Variants in NR1H4 observed in about 807,000 individuals in gnomAD.
The protein encoded by NR1H4 is bile acid receptor.
A neutral mutation model predicts 58.5 loss-of-function variants in NR1H4; 23 were observed. That is an observed-to-expected ratio of 0.39 (90% CI 0.28 to 0.56). NR1H4 has a LOEUF of 0.56. Ranked by LOEUF, NR1H4 falls within the 20% of genes least tolerant of loss-of-function variation. NR1H4 has a pLI of 0.58. For missense variants in NR1H4, 487 were observed against 576.9 expected (o/e 0.84, Z 1.60); for synonymous variants, 214 against 198.0 (o/e 1.08, Z -0.68).
intron 1 of NR1H4, among the ~76,000 whole-genome samples, chr12:100,485,184 G>C (rs564693485): frequency 1.3e-5 from 2 of 152,236 alleles, no homozygotes; most frequent in South Asian, 4.2e-4. Flanking sequence ...TACAGTTAAG[G>C]CAAGGATCAC....
chr12:100,542,218 G>T (rs1424043345), intron 9 of NR1H4, among the ~76,000 whole-genome samples: 1 of 152,030 alleles, frequency 6.6e-6, no homozygotes, highest in Non-Finnish European at 1.5e-5. Context: ...ATGGTAGTAC[G>T]TGCCTGTAAT....
chr12:100,548,755 C>T (rs1170443172), intron 9 of NR1H4, among the ~76,000 whole-genome samples: 1 of 152,024 alleles, frequency 6.6e-6, no homozygotes, highest in Non-Finnish European at 1.5e-5. Context: ...ACTTCATCTT[C>T]TAGGGGAAAT....
intron 4 of NR1H4, among the ~76,000 whole-genome samples, chr12:100,512,102 G>A: frequency 6.6e-6 from 1 of 151,704 alleles, no homozygotes; most frequent in Non-Finnish European, 1.5e-5. Flanking sequence ...GTGTGGTGGA[G>A]CACGCATGTT....
chr12:100,542,116 G>C (rs141634504), intron 9 of NR1H4, among the ~76,000 whole-genome samples: 3 of 152,094 alleles, frequency 2.0e-5, no homozygotes, highest in Admixed American at 6.5e-5. Flanking sequence ...GAGGCAGAGG[G>C]GGGTGGATCA....
chr12:100,496,051 G>C (rs76285077), intron 3 of NR1H4, among the ~76,000 whole-genome samples: 1,545 of 152,230 alleles, frequency 0.01, 26 homozygotes, highest in African/African-American at 0.035. Context: ...CAGCAGTCAT[G>C]TTGTTATAAT....
At chr12:100,497,212 G>A (rs1953734969) in intron 3 of NR1H4, among the ~76,000 whole-genome samples, 1 of 152,148 alleles carries the variant, frequency 6.6e-6, no homozygotes. Context: ...CCCGTTGGTT[G>A]AGCGTCACCC....
intron 4 of NR1H4, among the ~76,000 whole-genome samples, chr12:100,527,602 TCTCTGCAGGAC>T (rs1954592029): frequency 6.6e-6 from 1 of 152,220 alleles, no homozygotes; most frequent in South Asian, 2.1e-4. Flanking sequence ...TACCATTTGC[TCTCTGCAGGAC>T]CTTGAGCAAA....
At chr12:100,562,596 A>C (rs1335923223) in intron 10 of NR1H4, among the ~76,000 whole-genome samples, 1 of 152,230 alleles carries the variant, frequency 6.6e-6, no homozygotes, top group African/African-American at 2.4e-5. Flanking sequence ...CATTGTATGA[A>C]TATACAATCA....
At chr12:100,559,782 C>T (rs1398752165) in intron 9 of NR1H4, among the ~76,000 whole-genome samples, 3 of 152,250 alleles carry the variant, frequency 2.0e-5, no homozygotes, top group African/African-American at 7.2e-5. Context: ...GGGCGCATGA[C>T]TGGCAGACAG....
chr12:100,523,173 C>T (rs1954470075), intron 4 of NR1H4, among the ~76,000 whole-genome samples: 1 of 152,170 alleles, frequency 6.6e-6, no homozygotes, highest in African/African-American at 2.4e-5. Flanking sequence ...TTCTCACCAA[C>T]AGTGAAAAGC....
chr12:100,522,472 T>G (rs1290080585), intron 4 of NR1H4, among the ~76,000 whole-genome samples: 1 of 152,130 alleles, frequency 6.6e-6, no homozygotes, highest in Non-Finnish European at 1.5e-5. Context: ...ATCATTGGGT[T>G]GTTGTGAATT....
chr12:100,537,053 T>C lies in NR1H4; in HGVS notation c.931+6T>C. On this transcript the variant is annotated splice_donor_region_variant and intron_variant, in intron 8 of 10. Transcript: ENST00000392986. ...ATTCACAAAAAAGCTACCAGGTATT[T>C]TTTAAATAATCAAAGTTAATATTTA... 1 of 1,526,672 alleles carries C rather than the reference T, an allele frequency of 6.6e-7. No individual in the cohort carries two copies. The highest frequency in any genetic ancestry group is 9.0e-7 in the Non-Finnish European group (1 of 1,106,238). 94.6% of individuals were successfully genotyped at this position (1,526,672 alleles called of 1,614,324 possible).
intron 3 of NR1H4, chr12:100,503,426 A>T (rs1308397790): frequency 1.3e-6 from 2 of 1,597,766 alleles, no homozygotes; most frequent in African/African-American, 1.3e-5. Context: ...ATCCAATTCA[A>T]ATTAGTCCTC....
rs374603310 is a variant in NR1H4, at chr12:100,508,684, C to A, written c.80-2094C>A. ...GAGAACATACAAGTGCCTGCTACTA[C>A]GAAGAACTCTATAAAAGTTTTCTGC... On this transcript the variant is annotated intron_variant, in intron 3 of 10. Transcript: ENST00000392986. 3.9e-5 allele frequency among the ~76,000 whole-genome samples: 6 copies of A among 152,204 alleles called. No homozygotes were observed. The East Asian group carries it at 9.7e-4, about 25-fold the overall frequency.
rs189606471 is a variant in NR1H4, at chr12:100,518,652, G to A, written c.445+7509G>A. ...GCCTCTGTTGCAACTAATCAACTCT[G>A]CTACTGGAGTGCAAAGGCAGCCACA... is the stretch of plus-strand genomic sequence containing the variant. On this transcript the variant is annotated intron_variant, in intron 4 of 10. Transcript: ENST00000392986. 4.6e-5 allele frequency among the ~76,000 whole-genome samples: 7 copies of A among 152,218 alleles called. No individual in the cohort carries two copies. The East Asian group carries it at 9.7e-4, about 21-fold the overall frequency.
rs551169221 is a variant in NR1H4 at position 100,538,632 on chromosome 12, CT to C, written c.931+1586del. 5.0e-3 allele frequency among the ~76,000 whole-genome samples: 761 copies of C among 152,178 alleles called. 2 individuals are homozygous for C. The highest frequency in any genetic ancestry group is 0.012 in the African/African-American group (514 of 41,510). On this transcript the variant is annotated intron_variant, in intron 8 of 10. Transcript: ENST00000392986. The stretch of plus-strand genomic sequence containing the variant: ...TATTGGTGTATTGAAATCCCGTAGT[CT>C]AGAAGAGTATAATAAATACCTTGTA...
intron 1 of NR1H4, among the ~76,000 whole-genome samples, chr12:100,486,160 G>GT: frequency 6.6e-6 from 1 of 152,260 alleles, no homozygotes; most frequent in Non-Finnish European, 1.5e-5. Flanking sequence ...CAGGTCATGC[G>GT]TGAAGCTACG....
intron 4 of NR1H4, among the ~76,000 whole-genome samples, chr12:100,523,311 C>T (rs1362150442): frequency 6.6e-6 from 1 of 152,078 alleles, no homozygotes; most frequent in East Asian, 1.9e-4. Context: ...ATTAGTGATA[C>T]TGAACATGTT....
Position 100,488,617 on chromosome 12 carries a change from A to C in NR1H4, c.-189-3886A>C, listed in dbSNP as rs1372028435. ...GTAGACATATGCTACCTTAGGATAA[A>C]ATTCTGCCATGAAGTGGAATGGAAT... On this transcript the variant is annotated intron_variant, in intron 1 of 10. Coordinates refer to ENST00000392986, the MANE Select transcript of NR1H4 (RefSeq NM_001206979.2). 2.6e-5 allele frequency among the ~76,000 whole-genome samples: 4 copies of C among 152,324 alleles called. No individual in the cohort carries two copies. The East Asian group carries it at 7.7e-4, about 29-fold the overall frequency.
Sources: allele counts gnomAD v4.1 joint callset (sites outside exome capture counted in the v4.1 genomes callset), GRCh38; gene constraint gnomAD v4.1.1; transcripts MANE v1.5; gene names NCBI Gene and HGNC (gene_info 2026-07-23, HGNC 2026-07-21).